MROH1: variants seen among roughly 807,000 people sequenced by gnomAD.
The protein encoded by MROH1 is maestro heat like repeat family member 1.
MROH1 carries 117 observed loss-of-function variants against 116.5 expected under a neutral mutation model. That is an observed-to-expected ratio of 1.00 (90% CI 0.86 to 1.17). The LOEUF (loss-of-function observed/expected upper bound fraction) is 1.17, where lower values mean the gene tolerates loss of function less well. Ranked by LOEUF, MROH1 falls within the 50% of genes most tolerant of loss-of-function variation. The probability of loss-of-function intolerance (pLI) is 0.00; values close to 1 mark genes in which losing one functional copy is unlikely to be tolerated. For synonymous variants in MROH1, 921 were observed against 583.9 expected, an observed-to-expected ratio of 1.58 and a Z score of -8.32; for missense variants, 1,873 against 1,338.5, an observed-to-expected ratio of 1.40 and a Z score of -6.23.
intron 12 of MROH1, among the ~76,000 whole-genome samples, chr8:144,201,863 T>A (rs11136260): frequency 0.99 from 149,916 of 152,040 alleles, 73,932 homozygotes; most frequent in Non-Finnish European, 1. Context: ...AAATATATAT[T>A]AAAAAAAATT....
intron 22 of MROH1, among the ~76,000 whole-genome samples, chr8:144,241,774 G>A (rs1436041059): frequency 1.5e-4 from 23 of 152,240 alleles, no homozygotes; most frequent in Admixed American, 1.4e-3. Flanking sequence ...AGAGGGGTTC[G>A]CGGCTGGGGC....
At chr8:144,254,259 A>G (rs1194476446) in intron 33 of MROH1, among the ~76,000 whole-genome samples, 1 of 152,224 alleles carries the variant, frequency 6.6e-6, no homozygotes, top group Non-Finnish European at 1.5e-5. Context: ...TCCACTGAGT[A>G]CATTAGTGTT....
intron 12 of MROH1, among the ~76,000 whole-genome samples, chr8:144,201,985 T>C (rs1831250067): frequency 7.3e-6 from 1 of 137,788 alleles, no homozygotes. Context: ...TAAACCGCAC[T>C]CAAGCCTGGA....
At chr8:144,244,057 CGT>C in intron 26 of MROH1, 115 bp downstream of exon 26, 1 of 711,988 alleles carries the variant, frequency 1.4e-6, no homozygotes, top group South Asian at 1.5e-5. Flanking sequence ...CCTGTGCTTG[CGT>C]GTGTGCACGC....
At chr8:144,191,953 T>G (rs1588047414) in intron 9 of MROH1, 98 bp downstream of exon 9, 2 of 1,427,536 alleles carry the variant, frequency 1.4e-6, no homozygotes, top group Non-Finnish European at 1.9e-6. Context: ...CAGTGGTGGG[T>G]GGGGGTGGCC....
chr8:144,249,068 G>A lies in MROH1; in HGVS notation c.3273+39G>A, dbSNP rs1010613078. 1,465 of 713,608 alleles carry A rather than the reference G, an allele frequency of 2.1e-3. 10 individuals carry two copies. Among genetic ancestry groups the A allele is most frequent in the East Asian group, 0.013 (478 of 37,222 alleles). 44.2% of individuals were successfully genotyped at this position (713,608 alleles called of 1,614,324 possible). A position where few individuals can be genotyped will look rare whatever the true frequency, so the allele number is the denominator to read the frequency against. On this transcript the variant is annotated intron_variant, in intron 32 of 43. Transcript: ENST00000326134. ...GGGCGCGGGGGGTGCTCCAGGAGAA[G>A]GTGGGAGAGGGCGCGGTGGGACGGG...
At chr8:144,201,445 G>A (rs908297658) in intron 12 of MROH1, among the ~76,000 whole-genome samples, 4 of 152,120 alleles carry the variant, frequency 2.6e-5, no homozygotes, top group South Asian at 2.1e-4. Context: ...TGGCTCTTCC[G>A]CAGGTCAGTG....
In MROH1 at chr8:144,242,094, CCCTCGGCCCTCTGCTA is replaced by C. The variant is rs1432559483; in HGVS notation, c.2179-264_2179-249del. On this transcript the variant is annotated intron_variant, in intron 22 of 43. Coordinates refer to ENST00000326134, the MANE Select transcript of MROH1 (RefSeq NM_032450.3). ...CTCTCACGTGGCTGTGCTGCCTTGA[CCCTCGGCCCTCTGCTA>C]CCTCGGCCCTTGGCCCTCTGTTACT... 14 of 560,926 alleles carry C rather than the reference CCCTCGGCCCTCTGCTA, an allele frequency of 2.5e-5. No individual in the cohort carries two copies. In the Admixed American group the frequency reaches 3.6e-4, roughly 15 times the overall value. The allele number at this position is 560,926 out of a possible 1,614,324, so 34.7% of individuals were successfully genotyped here. A position where few individuals can be genotyped will look rare whatever the true frequency, so the allele number is the denominator to read the frequency against.
chr8:144,255,804 G>A lies in MROH1; in HGVS notation c.3791+99G>A, dbSNP rs1843631871. 7.6e-6 allele frequency: 5 copies of A among 653,848 alleles called. No individual in the cohort carries two copies. In the South Asian group the frequency reaches 8.6e-5, roughly 11 times the overall value. 40.5% of individuals were successfully genotyped at this position (653,848 alleles called of 1,614,324 possible). A position where few individuals can be genotyped will look rare whatever the true frequency, so the allele number is the denominator to read the frequency against. On this transcript the variant is annotated intron_variant, in intron 35 of 43. Transcript: ENST00000326134. ...GGGCGGACGGCAGATCTGAACCACG[G>A]GGAGTGTGGGAGTGACTTTGCTTCC...
At chr8:144,158,212 C>T (rs987308112) in intron 1 of MROH1, among the ~76,000 whole-genome samples, 90 of 150,688 alleles carry the variant, frequency 6.0e-4, no homozygotes, top group Non-Finnish European at 1.0e-3. Flanking sequence ...GGGCTGGTCT[C>T]GAACTCCTGA....
At chr8:144,184,192 A>G (rs926004518) in intron 7 of MROH1, among the ~76,000 whole-genome samples, 2 of 152,252 alleles carry the variant, frequency 1.3e-5, no homozygotes, top group Non-Finnish European at 2.9e-5. Context: ...CTGAGACGTT[A>G]GCCGTGTAAA....
At chr8:144,254,116 C>T (rs990529741) in intron 33 of MROH1, among the ~76,000 whole-genome samples, 4 of 152,202 alleles carry the variant, frequency 2.6e-5, no homozygotes, top group Non-Finnish European at 5.9e-5. Flanking sequence ...CTTATTCTGT[C>T]CTCTGCCTTC....
chr8:144,255,441 T>C (rs1373292932), intron 34 of MROH1, 68 bp from the exon 35 acceptor site: 5 of 747,532 alleles, frequency 6.7e-6, no homozygotes, highest in Non-Finnish European at 1.2e-5. Context: ...TGCAGTCTCA[T>C]TGGGTGCAGG....
At position 144,209,452 on chromosome 8, in the gene MROH1, C is replaced by T. The variant is rs544218774; in HGVS notation, c.1141+8911C>T. ...AAAATTAGCTGGGCGTGGTGGCGGG[C>T]GCCTGTAGTTCCAGCTACTTGGGAG... On this transcript the variant is annotated intron_variant, in intron 12 of 43. Transcript: ENST00000326134. Among the ~76,000 whole-genome samples, 8 of 151,708 alleles carry T rather than the reference C, an allele frequency of 5.3e-5. No individual in the cohort carries two copies. The East Asian group carries it at 7.8e-4, about 15-fold the overall frequency.
intron 1 of MROH1, among the ~76,000 whole-genome samples, chr8:144,154,373 G>A (rs1817554398): frequency 6.6e-6 from 1 of 152,266 alleles, no homozygotes; most frequent in South Asian, 2.1e-4. Flanking sequence ...ATAAAGTCAT[G>A]GCTTTCTTCT....
chr8:144,234,513 T>G (rs1168656776), intron 14 of MROH1, among the ~76,000 whole-genome samples: 7 of 72,606 alleles, frequency 9.6e-5, no homozygotes, highest in South Asian at 5.5e-4. Flanking sequence ...TTTTTTTTTT[T>G]TTTTTTTTTT....
In MROH1 at chr8:144,244,570, G is replaced by A; in HGVS notation, c.2766+31G>A. The A allele has an allele frequency of 4.1e-6, 3 of 729,802 alleles. No individual in the cohort carries two copies. In the South Asian group the frequency reaches 4.4e-5, roughly 11 times the overall value. The allele number at this position is 729,802 out of a possible 1,614,324, so 45.2% of individuals were successfully genotyped here. Reference sequence around the variant, plus strand: ...CAGGGGGGAACTGTCATGGGGATGGGGATGGGGGCACAGAGGGCACTCCAC... The same window carrying A: ...CAGGGGGGAACTGTCATGGGGATGGAGATGGGGGCACAGAGGGCACTCCAC... On this transcript the variant is annotated intron_variant, in intron 28 of 43. Transcript: ENST00000326134.
chr8:144,215,150 A>G (rs573129812), intron 12 of MROH1, among the ~76,000 whole-genome samples: 1 of 152,336 alleles, frequency 6.6e-6, no homozygotes, highest in East Asian at 1.9e-4. Context: ...AATACTTTGC[A>G]TCCTTCACTC....
At position 144,204,572 on chromosome 8, in the gene MROH1, C is replaced by T. The variant is rs144568621; in HGVS notation, c.1141+4031C>T. Among the ~76,000 whole-genome samples the T allele has an allele frequency of 4.6e-5, 7 of 152,330 alleles. No individual in the cohort carries two copies. The South Asian group carries it at 1.0e-3, about 23-fold the overall frequency. ...ACATTGACAACACCCAGGGGTGGCA[C>T]TCTCAAGTCCCTCAGAAGGGGTGAC... On this transcript the variant is annotated intron_variant, in intron 12 of 43. Coordinates refer to ENST00000326134, the MANE Select transcript of MROH1 (RefSeq NM_032450.3).
Sources: gnomAD v4.1 joint callset for allele counts (sites outside exome capture counted in the v4.1 genomes callset) on GRCh38, gnomAD v4.1.1 for gene constraint, MANE v1.5 for transcripts, NCBI Gene and HGNC (gene_info 2026-07-23, HGNC 2026-07-21) for gene names.